The following PTPRT variants were observed in gnomAD, a reference collection of about 807,000 sequenced individuals.
PTPRT encodes receptor-type tyrosine-protein phosphatase T.
In PTPRT, 56 loss-of-function variants were observed where a neutral mutation model predicts 176.8. That is an observed-to-expected ratio of 0.32 (90% CI 0.26 to 0.40). The LOEUF is 0.40. Ranked by LOEUF, PTPRT falls within the 10% of genes least tolerant of loss-of-function variation. The pLI is 1.00. For missense variants in PTPRT, 1,540 were observed against 1,908.2 expected, an observed-to-expected ratio of 0.81 and a Z score of 3.60; for synonymous variants, 783 against 739.0, an observed-to-expected ratio of 1.06 and a Z score of -0.96.
At chr20:42,394,591 C>T (rs766232800) in intron 9 of PTPRT, among the ~76,000 whole-genome samples, 58 of 152,098 alleles carry the variant, frequency 3.8e-4, no homozygotes, top group South Asian at 6.2e-4. Context: ...TAAGCAATTC[C>T]GCAGCTTAGG....
rs370878710 is a variant in PTPRT at position 42,351,206 on chromosome 20, A to G, written c.1763-476T>C. ...ATTCCTTTGGGAAGGTAATTTAGCC[A>G]TTTGTAGTAACAGCTATTAAAACCC... On this transcript the variant is annotated intron_variant, in intron 10 of 30. Coordinates refer to ENST00000373187, the MANE Select transcript of PTPRT (RefSeq NM_007050.6). Among the ~76,000 whole-genome samples the G allele has an allele frequency of 2.6e-5, 4 of 151,390 alleles. No individual in the cohort carries two copies. In the East Asian group the frequency reaches 7.8e-4, roughly 29 times the overall value.
chr20:42,112,120 G>A (rs976156411), intron 22 of PTPRT, among the ~76,000 whole-genome samples: 4 of 152,196 alleles, frequency 2.6e-5, no homozygotes, highest in Admixed American at 6.5e-5. Context: ...TACACAGACG[G>A]TTCCACACAA....
At chr20:42,153,988 C>G (rs1365566036) in intron 17 of PTPRT, among the ~76,000 whole-genome samples, 1 of 152,160 alleles carries the variant, frequency 6.6e-6, no homozygotes, top group Non-Finnish European at 1.5e-5. Context: ...TGGCCACTCC[C>G]TATAATGGCC....
At chr20:42,770,888 G>T in intron 5 of PTPRT, among the ~76,000 whole-genome samples, 1 of 152,138 alleles carries the variant, frequency 6.6e-6, no homozygotes, top group South Asian at 2.1e-4. Context: ...TGTATAAAAT[G>T]GTTATACCAA....
intron 5 of PTPRT, among the ~76,000 whole-genome samples, chr20:42,764,760 T>A (rs138761254): frequency 1.3e-5 from 2 of 152,356 alleles, no homozygotes; most frequent in African/African-American, 2.4e-5. Context: ...ATCCTATGTG[T>A]AAGCACTTAG....
At chr20:42,932,267 G>A (rs1046449659) in intron 1 of PTPRT, among the ~76,000 whole-genome samples, 11 of 152,242 alleles carry the variant, frequency 7.2e-5, no homozygotes, top group African/African-American at 2.4e-4. Flanking sequence ...GAGGATCCTG[G>A]ACTCAAGGAA....
At chr20:43,131,934 C>T (rs1252117432) in intron 1 of PTPRT, among the ~76,000 whole-genome samples, 1 of 152,074 alleles carries the variant, frequency 6.6e-6, no homozygotes, top group Non-Finnish European at 1.5e-5. Context: ...ACTCATTCCT[C>T]ATCTATGCCT....
intron 7 of PTPRT, among the ~76,000 whole-genome samples, chr20:42,658,659 A>C (rs1023324200): frequency 2.0e-5 from 3 of 152,178 alleles, no homozygotes; most frequent in Admixed American, 6.5e-5. Context: ...TGTTACAAAT[A>C]AATTTTAGTG....
chr20:42,911,818 C>T (rs1978398701), intron 1 of PTPRT, among the ~76,000 whole-genome samples: 1 of 152,032 alleles, frequency 6.6e-6, no homozygotes, highest in Non-Finnish European at 1.5e-5. Flanking sequence ...TTCCAAAGAA[C>T]ATTTGGAACC....
At chr20:42,052,018 G>A in the PTPRT span, among the ~76,000 whole-genome samples, 1 of 152,184 alleles carries the variant, frequency 6.6e-6, no homozygotes, top group African/African-American at 2.4e-5. Context: ...GTTTGTGTGG[G>A]TTTCAAATCA....
chr20:42,186,756 T>C (rs1231728948), intron 16 of PTPRT, among the ~76,000 whole-genome samples: 1 of 152,034 alleles, frequency 6.6e-6, no homozygotes, highest in Non-Finnish European at 1.5e-5. Context: ...ATGACACGGA[T>C]GGATATGAGG....
At chr20:42,528,793 A>T (rs2072324635) in intron 7 of PTPRT, among the ~76,000 whole-genome samples, 1 of 152,234 alleles carries the variant, frequency 6.6e-6, no homozygotes, top group Non-Finnish European at 1.5e-5. Flanking sequence ...ATTGCATTTT[A>T]TGCTTGCTTA....
intron 7 of PTPRT, among the ~76,000 whole-genome samples, chr20:42,503,647 C>T (rs1050566310): frequency 2.0e-5 from 3 of 151,866 alleles, no homozygotes; most frequent in Admixed American, 6.6e-5. Flanking sequence ...TCTCTAATCT[C>T]GGAGTGCAGC....
intron 19 of PTPRT, among the ~76,000 whole-genome samples, chr20:42,125,389 G>A (rs761296573): frequency 6.6e-6 from 1 of 152,132 alleles, no homozygotes; most frequent in Non-Finnish European, 1.5e-5. Context: ...ATTCAACACA[G>A]GTCTTCAACA....
At chr20:42,276,420 G>A (rs1281898487) in intron 13 of PTPRT, among the ~76,000 whole-genome samples, 3 of 145,240 alleles carry the variant, frequency 2.1e-5, no homozygotes, top group Admixed American at 1.4e-4. Context: ...AGAACTGAGA[G>A]AGAGGATCTG....
intron 16 of PTPRT, among the ~76,000 whole-genome samples, chr20:42,175,592 G>A (rs1990258343): frequency 6.6e-6 from 1 of 152,146 alleles, no homozygotes; most frequent in Middle Eastern, 3.2e-3. Flanking sequence ...ATTACTAGGG[G>A]GCTGGGTTGC....
At chr20:43,072,560 GA>G (rs890727064) in intron 1 of PTPRT, among the ~76,000 whole-genome samples, 3 of 150,786 alleles carry the variant, frequency 2.0e-5, no homozygotes, top group Non-Finnish European at 4.4e-5. Context: ...CTGGAAAAAA[GA>G]AAAAAAAACT....
At chr20:43,141,210 AC>A (rs1479365544) in intron 1 of PTPRT, among the ~76,000 whole-genome samples, 3 of 152,220 alleles carry the variant, frequency 2.0e-5, no homozygotes, top group Non-Finnish European at 2.9e-5. Flanking sequence ...ATAACAAGCT[AC>A]CCCCAACATT....
At chr20:42,168,497 C>T (rs1038372122) in intron 16 of PTPRT, among the ~76,000 whole-genome samples, 4 of 152,164 alleles carry the variant, frequency 2.6e-5, no homozygotes, top group African/African-American at 4.8e-5. Flanking sequence ...AGATAATAAA[C>T]TTGTAACAGC....
Sources: allele counts gnomAD v4.1 joint callset (sites outside exome capture counted in the v4.1 genomes callset), GRCh38; gene constraint gnomAD v4.1.1; transcripts MANE v1.5; gene names NCBI Gene and HGNC (gene_info 2026-07-23, HGNC 2026-07-21).